Variants in DYNLT5 observed in about 807,000 individuals in gnomAD.
DYNLT5 encodes dynein light chain Tctex-type family member 5.
DYNLT5 carries 25 observed loss-of-function variants against 19.3 expected under a neutral mutation model. That is an observed-to-expected ratio of 1.30 (90% CI 0.95 to 1.81). The LOEUF (loss-of-function observed/expected upper bound fraction) is 1.81, where lower values mean the gene tolerates loss of function less well. DYNLT5 is among the 40% of genes most tolerant of loss of function. The probability of loss-of-function intolerance (pLI) is 0.00; values close to 1 mark genes in which losing one functional copy is unlikely to be tolerated. For synonymous variants in DYNLT5, 82 were observed against 68.9 expected (o/e 1.19, Z -0.94); for missense variants, 232 against 217.9 (o/e 1.06, Z -0.41).
At position 66,773,474 on chromosome 1, in the gene DYNLT5, A is replaced by T. The variant is rs376189627; in HGVS notation, c.212-2805A>T. Among the ~76,000 whole-genome samples, 10 of 152,284 alleles carry T rather than the reference A, an allele frequency of 6.6e-5. No individual in the cohort carries two copies. The East Asian group carries it at 1.9e-3, about 29-fold the overall frequency. On this transcript the variant is annotated intron_variant, in intron 3 of 4. Coordinates refer to ENST00000282670, the MANE Select transcript of DYNLT5 (RefSeq NM_152665.3). Reference sequence around the variant, plus strand: ...CACAGGCCTCACTGTCTCCAGACTTACGTCCTCTTTCATCTTGCTGCCTTC... The same window carrying T: ...CACAGGCCTCACTGTCTCCAGACTTTCGTCCTCTTTCATCTTGCTGCCTTC...
chr1:66,776,883 T>C (rs1645239040), intron 4 of DYNLT5, among the ~76,000 whole-genome samples: 1 of 152,196 alleles, frequency 6.6e-6, no homozygotes, highest in South Asian at 2.1e-4. Context: ...AGACTCCAGA[T>C]GTATGGTTTC....
intron 2 of DYNLT5, among the ~76,000 whole-genome samples, chr1:66,758,416 G>A (rs2094640264): frequency 6.6e-6 from 1 of 152,122 alleles, no homozygotes; most frequent in South Asian, 2.1e-4. Context: ...TTATCTGTGA[G>A]GCCAGGAGTT....
chr1:66,766,809 T>C (rs2094656108), intron 2 of DYNLT5, among the ~76,000 whole-genome samples: 3 of 152,220 alleles, frequency 2.0e-5, no homozygotes, highest in Admixed American at 2.0e-4. Flanking sequence ...TTTATGATGT[T>C]ATAGTCTTAA....
intron 1 of DYNLT5, among the ~76,000 whole-genome samples, chr1:66,753,375 T>G (rs2150856754): frequency 6.6e-6 from 1 of 152,360 alleles, no homozygotes; most frequent in African/African-American, 2.4e-5. Flanking sequence ...AATGAATACT[T>G]AAATTTGTAG....
chr1:66,764,721 C>T (rs1013599752), intron 2 of DYNLT5, among the ~76,000 whole-genome samples: 1 of 152,166 alleles, frequency 6.6e-6, no homozygotes, highest in Admixed American at 6.5e-5. Flanking sequence ...TGCAAGGTTG[C>T]CACAAACCTT....
chr1:66,775,905 G>A (rs1452721136), intron 3 of DYNLT5, among the ~76,000 whole-genome samples: 1 of 152,108 alleles, frequency 6.6e-6, no homozygotes, highest in Non-Finnish European at 1.5e-5. Flanking sequence ...CTCGCTAAGG[G>A]GAATGTCATT....
chr1:66,777,390 C>A lies in DYNLT5; in HGVS notation c.476C>A (p.Ser159Tyr). ...LWDPKSDTFS[S>Y]YVFRNSSLFA... is the part of the protein sequence containing the mutation. Reference sequence around the variant, plus strand: ...GATCCTAAAAGTGATACCTTTTCATCTTATGTTTTCAGAAATTCTTCTCTC... The same window carrying A: ...GATCCTAAAAGTGATACCTTTTCATATTATGTTTTCAGAAATTCTTCTCTC... The change falls in exon 5 of 5, where the codon TCT (serine) becomes TAT (tyrosine). Residue 159 changes from serine to tyrosine, a missense_variant. By Grantham distance (144) the Ser-to-Tyr change is moderately radical. Transcript: ENST00000282670. The A allele has an allele frequency of 6.2e-7, 1 of 1,613,848 alleles. No individual in the cohort carries two copies. The highest frequency in any genetic ancestry group is 8.5e-7 in the Non-Finnish European group (1 of 1,179,864).
chr1:66,770,458 T>C lies in DYNLT5; in HGVS notation c.191T>C (p.Met64Thr). Residue 64 changes from methionine to threonine, a missense_variant, in exon 3 of 5, where the codon ATG becomes ACG. Physicochemically the swap from Met to Thr is moderately conservative, Grantham distance 81 (BLOSUM62 -1). Transcript: ENST00000282670. ...RDDISRLTVQ[M>T]ENTYQLGPPK... ...GATATCTCTCGCCTTACAGTTCAGA[T>C]GGAAAACACCTATCAGTTGGGTGTG... 1 of 1,613,286 alleles carries C rather than the reference T, an allele frequency of 6.2e-7. No homozygotes were observed. The highest frequency in any genetic ancestry group is 8.5e-7 in the Non-Finnish European group (1 of 1,179,380).
intron 2 of DYNLT5, among the ~76,000 whole-genome samples, chr1:66,766,583 G>A (rs1009425141): frequency 1.3e-5 from 2 of 151,962 alleles, no homozygotes; most frequent in African/African-American, 4.8e-5. Context: ...TCATATTCTG[G>A]TTTAATGCTA....
At chr1:66,759,439 A>G (rs546140669) in intron 2 of DYNLT5, among the ~76,000 whole-genome samples, 3 of 152,330 alleles carry the variant, frequency 2.0e-5, no homozygotes, top group East Asian at 3.9e-4. Context: ...TATAACCACA[A>G]TAAAATCTAG....
intron 1 of DYNLT5, among the ~76,000 whole-genome samples, chr1:66,753,323 C>G (rs1321137806): frequency 1.3e-5 from 2 of 152,136 alleles, no homozygotes; most frequent in African/African-American, 4.8e-5. Context: ...CACAGTATTT[C>G]CTTATCGGGG....
At chr1:66,761,835 A>T (rs534678402) in intron 2 of DYNLT5, among the ~76,000 whole-genome samples, 1 of 152,212 alleles carries the variant, frequency 6.6e-6, no homozygotes, top group Non-Finnish European at 1.5e-5. Flanking sequence ...AGCTTGCCAC[A>T]TCAATGGACT....
At chr1:66,777,122 A>C (rs1645240901) in intron 4 of DYNLT5, 129 bp from the exon 5 acceptor site, 1 of 807,208 alleles carries the variant, frequency 1.2e-6, no homozygotes, top group Non-Finnish European at 1.9e-6. Context: ...TACGGTTCTA[A>C]AACAATCACT....
chr1:66,758,348 CAG>C (rs1415509576), intron 2 of DYNLT5, among the ~76,000 whole-genome samples: 2 of 152,180 alleles, frequency 1.3e-5, no homozygotes, highest in South Asian at 2.1e-4. Flanking sequence ...AAAATGGAAA[CAG>C]AAGCTATGAG....
chr1:66,754,257 G>A (rs2094632182), intron 1 of DYNLT5, among the ~76,000 whole-genome samples: 1 of 152,092 alleles, frequency 6.6e-6, no homozygotes, highest in South Asian at 2.1e-4. Context: ...AAATATAACA[G>A]TGACAGCAAA....
At chr1:66,753,239 G>T (rs1398176118) in intron 1 of DYNLT5, among the ~76,000 whole-genome samples, 2 of 152,192 alleles carry the variant, frequency 1.3e-5, no homozygotes, top group Non-Finnish European at 2.9e-5. Flanking sequence ...GTATGTTCTT[G>T]TGTGCCCTAC....
rs528027485 is a variant in DYNLT5, at chr1:66,767,979, T to C, written c.120-2408T>C. On this transcript the variant is annotated intron_variant, in intron 2 of 4. Coordinates refer to ENST00000282670, the MANE Select transcript of DYNLT5 (RefSeq NM_152665.3). ...AATTTGTCTTTAGTCTGCACAGGAA[T>C]ATTCCTACAAATGTAGGATTCTGTT... Among the ~76,000 whole-genome samples, 6 of 152,344 alleles carry C rather than the reference T, an allele frequency of 3.9e-5. No individual in the cohort carries two copies. In the East Asian group the frequency reaches 9.6e-4, roughly 24 times the overall value.
At chr1:66,775,232 GTGTGATT>G (rs1645227636) in intron 3 of DYNLT5, 13 of 152,170 alleles carry the variant, frequency 8.5e-5, no homozygotes, top group Admixed American at 8.5e-4. Context: ...CTGCCTCTCT[GTGTGATT>G]CTGGGCAGGT....
At chr1:66,761,495 G>A (rs1457400233) in intron 2 of DYNLT5, among the ~76,000 whole-genome samples, 1 of 152,162 alleles carries the variant, frequency 6.6e-6, no homozygotes, top group Non-Finnish European at 1.5e-5. Context: ...CATAAAATAA[G>A]ACAACAGGCT....
Sources: gnomAD v4.1 joint callset for allele counts (sites outside exome capture counted in the v4.1 genomes callset) on GRCh38, gnomAD v4.1.1 for gene constraint, MANE v1.5 for transcripts, NCBI Gene and HGNC (gene_info 2026-07-23, HGNC 2026-07-21) for gene names.